Variants in ARB2A observed in about 807,000 individuals in gnomAD.
ARB2A encodes the protein ARB2 cotranscriptional regulator A.
At chr5:93,945,002 C>T in the ARB2A span, among the ~76,000 whole-genome samples, 1 of 152,058 alleles carries the variant, frequency 6.6e-6, no homozygotes. Context: ...GGCCATAACA[C>T]TAAAAACAGG....
At chr5:93,932,238 G>GTTAAATAAC in the ARB2A span, among the ~76,000 whole-genome samples, 2 of 152,152 alleles carry the variant, frequency 1.3e-5, no homozygotes, top group Non-Finnish European at 2.9e-5. Flanking sequence ...ATTTTTGTGA[G>GTTAAATAAC]TCAGTTGTTA....
At chr5:93,710,355 G>A in the ARB2A span, among the ~76,000 whole-genome samples, 1 of 152,204 alleles carries the variant, frequency 6.6e-6, no homozygotes, top group South Asian at 2.1e-4. Context: ...CACTGGGCTT[G>A]CATTCCTCCA....
At chr5:93,894,142 A>G in the ARB2A span, among the ~76,000 whole-genome samples, 1 of 152,184 alleles carries the variant, frequency 6.6e-6, no homozygotes, top group Non-Finnish European at 1.5e-5. Flanking sequence ...CTGTTGTGTA[A>G]AGTTGAAGTA....
chr5:93,881,422 ATATACAAGGT>A, the ARB2A span: 1 of 1,353,750 alleles, frequency 7.4e-7, no homozygotes, highest in Non-Finnish European at 1.0e-6. Flanking sequence ...ATAATAAAAT[ATATACAAGGT>A]AAAGAAAATA....
At chr5:93,894,012 T>C in the ARB2A span, among the ~76,000 whole-genome samples, 1 of 152,308 alleles carries the variant, frequency 6.6e-6, no homozygotes, top group Non-Finnish European at 1.5e-5. Flanking sequence ...GGGCAATGTA[T>C]AGACAAACAC....
At chr5:93,894,747 C>T in the ARB2A span, among the ~76,000 whole-genome samples, 3 of 152,072 alleles carry the variant, frequency 2.0e-5, no homozygotes, top group Non-Finnish European at 4.4e-5. Flanking sequence ...CTTACAATAC[C>T]TACAAACTCA....
the ARB2A span, among the ~76,000 whole-genome samples, chr5:93,842,295 T>G: frequency 6.6e-6 from 1 of 152,288 alleles, no homozygotes; most frequent in South Asian, 2.1e-4. Context: ...CATGTACACT[T>G]GTTTATATAT....
At chr5:94,054,242 A>T in the ARB2A span, among the ~76,000 whole-genome samples, 2 of 152,168 alleles carry the variant, frequency 1.3e-5, no homozygotes, top group Non-Finnish European at 2.9e-5. Context: ...GGCATTATTC[A>T]TATTTCACAA....
At chr5:93,646,612 T>C in the ARB2A span, among the ~76,000 whole-genome samples, 560 of 152,226 alleles carry the variant, frequency 3.7e-3, 4 homozygotes, top group African/African-American at 0.013. Flanking sequence ...AATGATTTAA[T>C]TATCTAATTT....
the ARB2A span, among the ~76,000 whole-genome samples, chr5:93,916,868 G>A: frequency 4.6e-5 from 7 of 152,154 alleles, no homozygotes; most frequent in African/African-American, 1.7e-4. Context: ...GATAGATACA[G>A]GTAATAACAA....
the ARB2A span, among the ~76,000 whole-genome samples, chr5:93,647,453 C>T: frequency 6.6e-6 from 1 of 152,118 alleles, no homozygotes; most frequent in East Asian, 1.9e-4. Context: ...GTCTCAAACT[C>T]CTGACCTTGG....
At chr5:93,882,986 A>G in the ARB2A span, among the ~76,000 whole-genome samples, 1 of 151,596 alleles carries the variant, frequency 6.6e-6, no homozygotes. Flanking sequence ...TAAAAAATTG[A>G]CAGCAGTAAT....
the ARB2A span, among the ~76,000 whole-genome samples, chr5:93,653,350 T>C: frequency 1.3e-5 from 2 of 149,016 alleles, no homozygotes; most frequent in Non-Finnish European, 3.0e-5. Flanking sequence ...CTACTAAAAA[T>C]ACAAAAAAAA....
chr5:94,037,161 T>C, the ARB2A span, among the ~76,000 whole-genome samples: 58 of 152,310 alleles, frequency 3.8e-4, no homozygotes, highest in Non-Finnish European at 6.9e-4. Flanking sequence ...AAATACTATA[T>C]TTTTAAAGAG....
the ARB2A span, among the ~76,000 whole-genome samples, chr5:94,036,977 A>G: frequency 1.3e-5 from 2 of 152,156 alleles, no homozygotes; most frequent in Non-Finnish European, 2.9e-5. Context: ...AGTGATGAAG[A>G]GCCAATTTTT....
At chr5:93,773,550 T>C in the ARB2A span, among the ~76,000 whole-genome samples, 1 of 152,260 alleles carries the variant, frequency 6.6e-6, no homozygotes, top group African/African-American at 2.4e-5. Context: ...CAAAGAGTCT[T>C]GACCAACTAT....
At chr5:93,661,978 A>G in the ARB2A span, among the ~76,000 whole-genome samples, 1 of 152,154 alleles carries the variant, frequency 6.6e-6, no homozygotes, top group Non-Finnish European at 1.5e-5. Flanking sequence ...AGATAAACAG[A>G]GACCACTCTT....
At chr5:93,928,815 A>G in the ARB2A span, among the ~76,000 whole-genome samples, 1 of 152,116 alleles carries the variant, frequency 6.6e-6, no homozygotes. Flanking sequence ...TTATCAAAAA[A>G]TACACTACCA....
the ARB2A span, among the ~76,000 whole-genome samples, chr5:94,012,266 G>A: frequency 2.6e-5 from 4 of 152,230 alleles, no homozygotes; most frequent in African/African-American, 4.8e-5. Flanking sequence ...GCCAGGCGTG[G>A]TGGTGGGTGC....
Sources: allele counts gnomAD v4.1 joint callset (sites outside exome capture counted in the v4.1 genomes callset), GRCh38; gene constraint gnomAD v4.1.1; transcripts MANE v1.5; gene names NCBI Gene and HGNC (gene_info 2026-07-23, HGNC 2026-07-21).